The following UBE2T variants were observed in gnomAD, a reference collection of about 807,000 sequenced individuals.
UBE2T encodes the protein ubiquitin-conjugating enzyme E2 T.
Under a neutral mutation model 23.3 loss-of-function variants are expected in UBE2T, and 15 were observed. That is an observed-to-expected ratio of 0.64 (90% CI 0.43 to 0.99). The LOEUF (loss-of-function observed/expected upper bound fraction) is 0.99. UBE2T is among the 50% of genes least tolerant of loss of function. UBE2T has a pLI of 0.00. For missense variants in UBE2T, 197 were observed against 234.9 expected (o/e 0.84, Z 1.05); for synonymous variants, 67 against 78.4 (o/e 0.85, Z 0.77).
At chr1:202,340,777 G>T (rs796419086) in intron 1 of UBE2T, among the ~76,000 whole-genome samples, 5 of 152,266 alleles carry the variant, frequency 3.3e-5, no homozygotes, top group African/African-American at 1.2e-4. Flanking sequence ...GAAAGCCATG[G>T]TAAAAGGATT....
chr1:202,333,984 G>A (rs1654825605), intron 3 of UBE2T, among the ~76,000 whole-genome samples: 1 of 151,526 alleles, frequency 6.6e-6, no homozygotes, highest in Admixed American at 6.6e-5. Flanking sequence ...TTCATACGTT[G>A]CATTTGGTTA....
chr1:202,335,691 T>C lies in UBE2T; in HGVS notation c.64A>G (p.Ile22Val), dbSNP rs144041308. The C allele has an allele frequency of 1.5e-5, 25 of 1,614,148 alleles. No individual in the cohort carries two copies. In the African/African-American group the frequency reaches 3.3e-4, roughly 22 times the overall value. ...TGGTCTTTATCTTGCCAACATGTGATGCCTGGGGGTGGCTCTGTGGCTAAC... is the reference window on the plus strand; with the variant it reads ...TGGTCTTTATCTTGCCAACATGTGACGCCTGGGGGTGGCTCTGTGGCTAAC... The part of the protein sequence containing the change: ...HMLATEPPPG[I>V]TCWQDKDQMD... Residue 22 changes from isoleucine (I) to valine (V), a missense_variant, in exon 2 of 7, where the codon ATC becomes GTC. Transcript: ENST00000646651. This position sits in a 1 kb window ranked among gnomAD's most constrained non-coding sequence, Gnocchi z 4.0.
rs1558101272 is a variant in UBE2T at position 202,335,693 on chromosome 1, C to G, written c.62G>C (p.Gly21Ala). 2 of 1,614,072 alleles carry G rather than the reference C, an allele frequency of 1.2e-6. No individual in the cohort carries two copies. Among genetic ancestry groups the G allele is most frequent in the Non-Finnish European group, 8.5e-7 (1 of 1,180,016 alleles). ...GTCTTTATCTTGCCAACATGTGATGCCTGGGGGTGGCTCTGTGGCTAACAT... is the reference window on the plus strand; with the variant it reads ...GTCTTTATCTTGCCAACATGTGATGGCTGGGGGTGGCTCTGTGGCTAACAT... ...LHMLATEPPP[G>A]ITCWQDKDQM... The change falls in exon 2 of 7, where the codon GGC becomes GCC. Residue 21 changes from glycine (G) to alanine (A), a missense_variant. Gly to Ala is a moderately conservative substitution (Grantham distance 60). Coordinates refer to ENST00000646651, the MANE Select transcript of UBE2T (RefSeq NM_014176.4). This position sits in a 1 kb window ranked among gnomAD's most constrained non-coding sequence, Gnocchi z 4.0.
chr1:202,339,599 C>CAAA (rs56088102), intron 1 of UBE2T, among the ~76,000 whole-genome samples: 18 of 78,996 alleles, frequency 2.3e-4, no homozygotes, highest in East Asian at 6.9e-4. Flanking sequence ...GACTCTGTCT[C>CAAA]AAAAAAAAAA....
At chr1:202,337,578 A>G (rs2148341716) in intron 1 of UBE2T, among the ~76,000 whole-genome samples, 1 of 152,292 alleles carries the variant, frequency 6.6e-6, no homozygotes, top group South Asian at 2.1e-4. Flanking sequence ...GAATCAGTCC[A>G]TCCTTTCCCT....
At chr1:202,333,424 G>C in intron 4 of UBE2T, 26 bp downstream of exon 4, 1 of 1,613,340 alleles carries the variant, frequency 6.2e-7, no homozygotes, top group Non-Finnish European at 8.5e-7. Flanking sequence ...GAATGCTGTA[G>C]AGTCAACCAT....
intron 1 of UBE2T, among the ~76,000 whole-genome samples, chr1:202,340,663 T>A (rs1299966496): frequency 1.3e-5 from 2 of 152,260 alleles, no homozygotes; most frequent in Non-Finnish European, 2.9e-5. Flanking sequence ...GGATTTGGGA[T>A]CTGCAGGATG....
intron 1 of UBE2T, among the ~76,000 whole-genome samples, chr1:202,340,470 C>T (rs540311112): frequency 7.3e-5 from 11 of 151,320 alleles, no homozygotes; most frequent in East Asian, 1.9e-4. Context: ...GCCAAGATCG[C>T]GCCACTGCAC....
chr1:202,339,689 A>C (rs1009717284), intron 1 of UBE2T, among the ~76,000 whole-genome samples: 11 of 152,074 alleles, frequency 7.2e-5, no homozygotes, highest in African/African-American at 2.4e-4. Flanking sequence ...ACAGTGTAAC[A>C]ACAATTTACT....
chr1:202,338,344 T>A lies in UBE2T; in HGVS notation c.-64-2526A>T, dbSNP rs368860565. Among the ~76,000 whole-genome samples the A allele has an allele frequency of 3.9e-5, 6 of 152,198 alleles. No homozygotes were observed. In the East Asian group the frequency reaches 9.7e-4, roughly 25 times the overall value. Reference sequence around the variant, plus strand: ...AAGCGATTCTCCTGTCTCAGCCTCCTGAGTAGCTGGCGTTACAGGCATGCA... The same window carrying A: ...AAGCGATTCTCCTGTCTCAGCCTCCAGAGTAGCTGGCGTTACAGGCATGCA... On this transcript the variant is annotated intron_variant, in intron 1 of 6. Coordinates refer to ENST00000646651, the MANE Select transcript of UBE2T (RefSeq NM_014176.4).
At chr1:202,338,890 A>G (rs997662677) in intron 1 of UBE2T, among the ~76,000 whole-genome samples, 1 of 151,854 alleles carries the variant, frequency 6.6e-6, no homozygotes, top group Admixed American at 6.6e-5. Flanking sequence ...AGCCAAAAAA[A>G]AAAAAGAAAA....
chr1:202,335,819 C>T lies in UBE2T; in HGVS notation c.-64-1G>A, dbSNP rs2148340818. 1.4e-6 allele frequency: 2 copies of T among 1,452,826 alleles called. No individual in the cohort carries two copies. The highest frequency in any genetic ancestry group is 1.1e-5 in the South Asian group (1 of 87,028). The allele number at this position is 1,452,826 out of a possible 1,614,324, so 90.0% of individuals were successfully genotyped here. On this transcript the variant is annotated splice_acceptor_variant, in intron 1 of 6. Transcript: ENST00000646651. LOFTEE classifies it low-confidence loss of function (5UTR_SPLICE). The surrounding 1 kb of genome is among the most constrained non-coding windows in gnomAD (Gnocchi z 4.0). ...CACACTAAGAGCTGCCTGGGATGCA[C>T]TGGAGGAGAAAAGAGGTGACCATAA... is the stretch of plus-strand genomic sequence containing the variant.
chr1:202,341,216 T>A (rs1654993798), intron 1 of UBE2T, among the ~76,000 whole-genome samples: 1 of 152,184 alleles, frequency 6.6e-6, no homozygotes, highest in Non-Finnish European at 1.5e-5. Flanking sequence ...AGTCTTTTTT[T>A]GTATCAAGTC....
chr1:202,334,010 G>A (rs992882090), intron 3 of UBE2T, among the ~76,000 whole-genome samples: 4 of 151,730 alleles, frequency 2.6e-5, no homozygotes, highest in African/African-American at 4.8e-5. Context: ...TATCTTTAGT[G>A]AGACACCGAC....
Position 202,333,092 on chromosome 1 carries a change from G to A in UBE2T, c.386C>T (p.Ser129Phe), listed in dbSNP as rs1654802153. The A allele has an allele frequency of 6.2e-7, 1 of 1,613,156 alleles. No homozygotes were observed. The highest frequency in any genetic ancestry group is 1.7e-5 in the Admixed American group (1 of 59,966). Residue 129 changes from serine (S) to phenylalanine (F), a missense_variant and splice_region_variant, in exon 6 of 7, where the codon TCC becomes TTC. Ser to Phe is a radical substitution (Grantham distance 155). Coordinates refer to ENST00000646651, the MANE Select transcript of UBE2T (RefSeq NM_014176.4). ...TGGCTTATTATATTTAAATTCTGAG[G>A]ACTGAGATGAAATCAAAGAAAAGAG... ...NPDDPLMADI[S>F]SEFKYNKPAF...
intron 1 of UBE2T, among the ~76,000 whole-genome samples, chr1:202,338,441 G>A (rs537140915): frequency 6.6e-6 from 1 of 152,084 alleles, no homozygotes; most frequent in African/African-American, 2.4e-5. Context: ...GGCTGGTCTC[G>A]AACCACGGAC....
intron 6 of UBE2T, among the ~76,000 whole-genome samples, 196 bp downstream of exon 6, chr1:202,332,814 A>G (rs1213170882): frequency 7.3e-6 from 1 of 137,686 alleles, no homozygotes; most frequent in East Asian, 2.4e-4. Flanking sequence ...AGGCTGAGGC[A>G]GGAGAATGGC....
Position 202,334,858 on chromosome 1 carries a change from C to G in UBE2T, c.179+131G>C, listed in dbSNP as rs570115901. ...CTCCAGAGAGAGAAAATAACTTGGT[C>G]GAGGTCACCTTAAGTCATGATAAGG... is the stretch of plus-strand genomic sequence containing the variant. On this transcript the variant is annotated intron_variant, in intron 3 of 6. Transcript: ENST00000646651. The G allele has an allele frequency of 6.4e-5, 48 of 753,966 alleles. No individual in the cohort carries two copies. In the South Asian group the frequency reaches 1.0e-3, roughly 16 times the overall value. 46.7% of individuals were successfully genotyped at this position (753,966 alleles called of 1,614,324 possible).
intron 1 of UBE2T, among the ~76,000 whole-genome samples, chr1:202,339,017 G>T (rs1183175036): frequency 6.7e-6 from 1 of 148,628 alleles, no homozygotes; most frequent in African/African-American, 2.5e-5. Flanking sequence ...TTCTAATTTT[G>T]TCTTTATTAG....
Sources: allele counts gnomAD v4.1 joint callset (sites outside exome capture counted in the v4.1 genomes callset), GRCh38; gene constraint gnomAD v4.1.1; non-coding constraint Gnocchi (gnomAD v3.1); transcripts MANE v1.5; gene names NCBI Gene and HGNC (gene_info 2026-07-23, HGNC 2026-07-21).